CLCN6: variants seen among roughly 807,000 people sequenced by gnomAD.
The protein encoded by CLCN6 is Cl-/H+ antiporter 6, also known as H(+)/Cl(-) exchange transporter 6.
A neutral mutation model predicts 109.8 loss-of-function variants in CLCN6; 70 were observed. The ratio of observed to expected loss-of-function variants is 0.64; its 90% CI spans 0.53 to 0.78. The LOEUF (loss-of-function observed/expected upper bound fraction) is 0.78. Ranked by LOEUF, CLCN6 falls within the 30% of genes least tolerant of loss-of-function variation. The probability of loss-of-function intolerance (pLI) is 0.00; values close to 1 mark genes in which losing one functional copy is unlikely to be tolerated. For synonymous variants in CLCN6, 444 were observed against 447.8 expected (o/e 0.99, Z 0.11); for missense variants, 984 against 1,142.3 (o/e 0.86, Z 2.00).
In CLCN6 at chr1:11,829,300, G is replaced by T. The variant is rs1159144223; in HGVS notation, c.1226G>T (p.Gly409Val). ...CRQMSSSSQI[G>V]NDSFQLQVTE... ...CAGATGTCCTCTTCGAGTCAAATCG[G>T]TAATGACTCATTCCAGCTCCAGGTA... Residue 409 changes from glycine to valine, a missense_variant, in exon 13 of 23, where the codon GGT becomes GTT. Transcript: ENST00000346436. 1.2e-6 allele frequency: 2 copies of T among 1,614,028 alleles called. No homozygotes were observed. The highest frequency in any genetic ancestry group is 1.7e-5 in the Admixed American group (1 of 59,994).
intron 13 of CLCN6, among the ~76,000 whole-genome samples, chr1:11,832,610 TCA>T (rs968353389): frequency 9.2e-5 from 14 of 152,156 alleles, no homozygotes; most frequent in African/African-American, 3.4e-4. Context: ...CCTGGCGGGG[TCA>T]CACAAACCAC....
intron 2 of CLCN6, among the ~76,000 whole-genome samples, chr1:11,813,752 C>T (rs918190290): frequency 2.0e-5 from 3 of 152,154 alleles, no homozygotes; most frequent in African/African-American, 7.2e-5. Context: ...AGACAACACC[C>T]AGAAACAAAT....
chr1:11,836,922 C>T (rs1418683905), intron 18 of CLCN6, 77 bp from the exon 19 acceptor site: 2 of 1,551,526 alleles, frequency 1.3e-6, no homozygotes, highest in South Asian at 1.2e-5. Context: ...CTCCCTGTCA[C>T]CCAAATCCTT....
rs1162435997 is a variant in CLCN6, at chr1:11,820,410, C to T, written c.346+856C>T. ...ATATGCAGAACAAAACTTCGGGAGA[C>T]TATATGTTGTCAAGAGTGGGGAATA... On this transcript the variant is annotated intron_variant, in intron 5 of 22. Transcript: ENST00000346436. 15 of 715,680 alleles carry T rather than the reference C, an allele frequency of 2.1e-5. No individual in the cohort carries two copies. The Admixed American group carries it at 3.0e-4, about 14-fold the overall frequency. The allele number at this position is 715,680 out of a possible 1,614,324, so 44.3% of individuals were successfully genotyped here.
At chr1:11,827,889 C>A (rs564830561) in intron 10 of CLCN6, among the ~76,000 whole-genome samples, 1 of 152,334 alleles carries the variant, frequency 6.6e-6, no homozygotes, top group Admixed American at 6.5e-5. Flanking sequence ...AATAGGCTCT[C>A]ATAGTAGAGT....
chr1:11,816,486 C>G, intron 3 of CLCN6, 129 bp from the exon 4 acceptor site: 2 of 832,300 alleles, frequency 2.4e-6, no homozygotes, highest in Non-Finnish European at 3.9e-6. Context: ...CACCTGAAAT[C>G]CCAACATCAT....
intron 20 of CLCN6, among the ~76,000 whole-genome samples, chr1:11,837,844 C>T (rs1426702816): frequency 6.6e-6 from 1 of 152,062 alleles, no homozygotes; most frequent in East Asian, 1.9e-4. Flanking sequence ...CATCACACGG[C>T]GTTCTCCTGT....
intron 2 of CLCN6, among the ~76,000 whole-genome samples, chr1:11,811,347 G>A (rs1570514089): frequency 6.6e-6 from 1 of 151,824 alleles, no homozygotes; most frequent in Admixed American, 6.6e-5. Context: ...TTAAAAATTA[G>A]TATATTCACA....
intron 2 of CLCN6, among the ~76,000 whole-genome samples, chr1:11,808,851 C>A (rs77911626): frequency 6.6e-6 from 1 of 150,836 alleles, no homozygotes; most frequent in Non-Finnish European, 1.5e-5. Context: ...TGTTCTATTT[C>A]TTTTTTTTTC....
At position 11,833,916 on chromosome 1, in the gene CLCN6, T is replaced by C. The variant is rs1050902161; in HGVS notation, c.1412T>C (p.Leu471Pro). 10 of 1,613,604 alleles carry C rather than the reference T, an allele frequency of 6.2e-6. No homozygotes were observed. Among genetic ancestry groups the C allele is most frequent in the Admixed American group, 1.7e-5 (1 of 59,798 alleles). Residue 471 changes from leucine to proline, a missense_variant, in exon 15 of 23, where the codon CTC (leucine) becomes CCC (proline). Transcript: ENST00000346436. ...SPVTLALFFV[L>P]YFLLACWTYG... ...GTCACTCTGGCCTTGTTCTTCGTTC[T>C]CTATTTCTTGCTTGCATGTTGGACT...
At chr1:11,831,491 G>A (rs975706882) in intron 13 of CLCN6, among the ~76,000 whole-genome samples, 2 of 152,064 alleles carry the variant, frequency 1.3e-5, no homozygotes, top group Admixed American at 6.6e-5. Flanking sequence ...AGAAAAAAAA[G>A]AATATGCCGC....
At chr1:11,812,842 A>G (rs1423871988) in intron 2 of CLCN6, among the ~76,000 whole-genome samples, 1 of 152,068 alleles carries the variant, frequency 6.6e-6, no homozygotes, top group Non-Finnish European at 1.5e-5. Context: ...CTACCTAGAA[A>G]CTGGACCTAC....
intron 12 of CLCN6, 26 bp downstream of exon 12, chr1:11,828,650 G>A (rs202014052): frequency 8.3e-6 from 13 of 1,571,588 alleles, no homozygotes; most frequent in East Asian, 2.2e-5. Flanking sequence ...CCTCCCCCCC[G>A]AGCCTGCTGC....
At chr1:11,830,876 C>T (rs1371531700) in intron 13 of CLCN6, among the ~76,000 whole-genome samples, 1 of 151,620 alleles carries the variant, frequency 6.6e-6, no homozygotes, top group Non-Finnish European at 1.5e-5. Flanking sequence ...CTCTGTTACC[C>T]AGGCCGGAGT....
intron 7 of CLCN6, 67 bp from the exon 8 acceptor site, chr1:11,824,419 C>T: frequency 1.5e-6 from 2 of 1,330,468 alleles, no homozygotes; most frequent in East Asian, 4.8e-5. Flanking sequence ...GTTTTTGTAG[C>T]CAAGGTCTCC....
At chr1:11,825,043 T>C (rs1168731127) in intron 8 of CLCN6, among the ~76,000 whole-genome samples, 2 of 152,156 alleles carry the variant, frequency 1.3e-5, no homozygotes, top group Non-Finnish European at 2.9e-5. Context: ...GATTCGTTGT[T>C]ATTATTACCC....
intron 13 of CLCN6, among the ~76,000 whole-genome samples, chr1:11,832,479 C>T (rs918663423): frequency 2.0e-5 from 3 of 152,246 alleles, no homozygotes; most frequent in African/African-American, 7.2e-5. Context: ...AGCTCATCCC[C>T]CGTGCACTCC....
At chr1:11,835,562 G>C (rs536747111) in intron 17 of CLCN6, among the ~76,000 whole-genome samples, 96 of 152,250 alleles carry the variant, frequency 6.3e-4, no homozygotes, top group African/African-American at 2.3e-3. Context: ...TGCGTGAGCC[G>C]CTGCACCCAG....
At position 11,835,952 on chromosome 1, in the gene CLCN6, G is replaced by T. The variant is rs1036267710; in HGVS notation, c.1794-15G>T. 1.9e-6 allele frequency: 3 copies of T among 1,608,554 alleles called. No individual in the cohort carries two copies. In the African/African-American group the frequency reaches 4.0e-5, roughly 22 times the overall value. On this transcript the variant is annotated splice_polypyrimidine_tract_variant and intron_variant, in intron 17 of 22. Coordinates refer to ENST00000346436, the MANE Select transcript of CLCN6 (RefSeq NM_001286.5). Reference sequence around the variant, plus strand: ...GCACTGTCATGAGGCTGGATGACTTGCCCTCCTCCCCCAGGCTGAGAGCCA... The same window carrying T: ...GCACTGTCATGAGGCTGGATGACTTTCCCTCCTCCCCCAGGCTGAGAGCCA...
Sources: gnomAD v4.1 joint callset for allele counts (sites outside exome capture counted in the v4.1 genomes callset) on GRCh38, gnomAD v4.1.1 for gene constraint, MANE v1.5 for transcripts, NCBI Gene and HGNC (gene_info 2026-07-23, HGNC 2026-07-21) for gene names.